The following CSMD1 variants were observed in gnomAD, a reference collection of about 807,000 sequenced individuals.
CSMD1 encodes the protein CUB and Sushi multiple domains 1.
In CSMD1, 213 loss-of-function variants were observed where a neutral mutation model predicts 417.5. The ratio of observed to expected loss-of-function variants is 0.51; its 90% CI spans 0.46 to 0.57. The LOEUF is 0.57. Ranked by LOEUF, CSMD1 falls within the 20% of genes least tolerant of loss-of-function variation. The probability of loss-of-function intolerance (pLI) is 0.00; values close to 1 mark genes in which losing one functional copy is unlikely to be tolerated. For synonymous variants in CSMD1, 2,862 were observed against 1,736.8 expected, an observed-to-expected ratio of 1.65 and a Z score of -16.11; for missense variants, 6,923 against 4,529.7, an observed-to-expected ratio of 1.53 and a Z score of -15.17.
intron 7 of CSMD1, among the ~76,000 whole-genome samples, chr8:3,620,992 T>C (rs1796202031): frequency 6.6e-6 from 1 of 152,108 alleles, no homozygotes; most frequent in Non-Finnish European, 1.5e-5. Flanking sequence ...ATCCTTAAGG[T>C]GAGCCCTAAT....
intron 5 of CSMD1, among the ~76,000 whole-genome samples, chr8:3,766,984 C>T (rs1025119237): frequency 7.9e-5 from 12 of 152,146 alleles, no homozygotes; most frequent in African/African-American, 1.9e-4. Context: ...GGTCCCCAGG[C>T]GAAAAGACCA....
At chr8:4,400,049 T>C (rs931048736) in intron 3 of CSMD1, among the ~76,000 whole-genome samples, 1 of 152,128 alleles carries the variant, frequency 6.6e-6, no homozygotes, top group South Asian at 2.1e-4. Context: ...CATAATTAAC[T>C]TATGGACAGT....
At chr8:4,152,616 G>C (rs1796626809) in intron 3 of CSMD1, among the ~76,000 whole-genome samples, 1 of 151,936 alleles carries the variant, frequency 6.6e-6, no homozygotes, top group African/African-American at 2.4e-5. Context: ...TTTGAGCCTA[G>C]GAGGTCAAGG....
intron 4 of CSMD1, among the ~76,000 whole-genome samples, chr8:4,021,342 T>G (rs920602266): frequency 5.9e-5 from 9 of 152,252 alleles, no homozygotes; most frequent in Non-Finnish European, 1.5e-5. Flanking sequence ...TTCACTTGTT[T>G]CATGTCACAT....
intron 5 of CSMD1, among the ~76,000 whole-genome samples, chr8:3,860,462 T>G (rs2129105423): frequency 6.6e-6 from 1 of 152,128 alleles, no homozygotes; most frequent in Non-Finnish European, 1.5e-5. Context: ...AATGTAGGAG[T>G]TTGCTAATAT....
intron 36 of CSMD1, among the ~76,000 whole-genome samples, chr8:3,184,460 G>C (rs931547906): frequency 6.6e-6 from 1 of 152,140 alleles, no homozygotes; most frequent in African/African-American, 2.4e-5. Flanking sequence ...ATATGACTGT[G>C]ACAGCTTTAA....
At chr8:4,931,100 T>G (rs565970224) in intron 1 of CSMD1, among the ~76,000 whole-genome samples, 24 of 152,356 alleles carry the variant, frequency 1.6e-4, no homozygotes, top group Non-Finnish European at 2.6e-4. Flanking sequence ...TATATAGATA[T>G]CTTCATTTTC....
chr8:3,933,433 A>G (rs575576723), intron 5 of CSMD1, among the ~76,000 whole-genome samples: 20 of 152,322 alleles, frequency 1.3e-4, no homozygotes, highest in African/African-American at 4.8e-4. Context: ...GATAAAACAT[A>G]GACTAAGCAT....
intron 3 of CSMD1, among the ~76,000 whole-genome samples, chr8:4,254,853 T>C (rs932729065): frequency 6.6e-6 from 1 of 152,130 alleles, no homozygotes; most frequent in African/African-American, 2.4e-5. Context: ...TAGGTGGTCA[T>C]ATGCACATTC....
In CSMD1 at chr8:4,477,106, A is replaced by T. The variant is rs917473632; in HGVS notation, c.303-57041T>A. 1.2e-4 allele frequency among the ~76,000 whole-genome samples: 19 copies of T among 152,238 alleles called. No individual in the cohort carries two copies. The East Asian group carries it at 3.5e-3, about 28-fold the overall frequency. On this transcript the variant is annotated intron_variant, in intron 2 of 69. Coordinates refer to ENST00000635120, the MANE Select transcript of CSMD1 (RefSeq NM_033225.6). Reference sequence around the variant, plus strand: ...AGAGCAGGTGTGAGCACTCCTTCCCACCACCTGTCTCTTAAGAGTCACAGT... The same window carrying T: ...AGAGCAGGTGTGAGCACTCCTTCCCTCCACCTGTCTCTTAAGAGTCACAGT...
chr8:4,122,894 T>C (rs1242781191), intron 3 of CSMD1, among the ~76,000 whole-genome samples: 2 of 152,150 alleles, frequency 1.3e-5, no homozygotes, highest in African/African-American at 4.8e-5. Context: ...AAGAAACTAA[T>C]AGCTACGAGA....
At chr8:4,208,056 C>G (rs970211908) in intron 3 of CSMD1, among the ~76,000 whole-genome samples, 5 of 152,106 alleles carry the variant, frequency 3.3e-5, no homozygotes, top group Admixed American at 2.6e-4. Context: ...GGGTAATTCA[C>G]TTTTGTTCAG....
chr8:3,986,767 T>C (rs1814352898), intron 5 of CSMD1, among the ~76,000 whole-genome samples: 3 of 83,876 alleles, frequency 3.6e-5, no homozygotes, highest in Admixed American at 3.0e-4. Context: ...TGATTTTTCT[T>C]TTTTTTTAGA....
chr8:4,146,017 A>T (rs551181920), intron 3 of CSMD1, among the ~76,000 whole-genome samples: 1 of 150,926 alleles, frequency 6.6e-6, no homozygotes, highest in East Asian at 1.9e-4. Flanking sequence ...TAGGTATTCA[A>T]AAAAAATCTG....
At chr8:4,216,661 G>C (rs1386395210) in intron 3 of CSMD1, among the ~76,000 whole-genome samples, 1 of 152,166 alleles carries the variant, frequency 6.6e-6, no homozygotes, top group Non-Finnish European at 1.5e-5. Flanking sequence ...GTAAATGACT[G>C]AGTGAAGGGA....
chr8:3,423,106 CTTA>C lies in CSMD1; in HGVS notation c.1562-13504_1562-13502del, dbSNP rs559810992. ...AACAGATTAAATTATTTTGGGGTCACTTATTATTACTCATCATAGTTCAATGAT... is the reference window on the plus strand; with the variant it reads ...AACAGATTAAATTATTTTGGGGTCACTTATTACTCATCATAGTTCAATGAT... On this transcript the variant is annotated intron_variant, in intron 12 of 69. Coordinates refer to ENST00000635120, the MANE Select transcript of CSMD1 (RefSeq NM_033225.6). 9.3e-4 allele frequency among the ~76,000 whole-genome samples: 142 copies of C among 152,246 alleles called. 3 individuals carry two copies. The South Asian group carries it at 0.011, about 12-fold the overall frequency.
intron 3 of CSMD1, among the ~76,000 whole-genome samples, chr8:4,157,397 T>G (rs1408223476): frequency 1.3e-5 from 2 of 152,212 alleles, no homozygotes; most frequent in African/African-American, 4.8e-5. Flanking sequence ...AAAGGTTGAA[T>G]TGAAAATTTT....
chr8:3,344,337 A>C (rs1340679299), intron 22 of CSMD1, among the ~76,000 whole-genome samples: 8 of 152,198 alleles, frequency 5.3e-5, no homozygotes, highest in Non-Finnish European at 1.5e-5. Context: ...ACAAATACCT[A>C]ATGCATGCGG....
intron 2 of CSMD1, among the ~76,000 whole-genome samples, chr8:4,590,574 A>G (rs1799937127): frequency 6.6e-6 from 1 of 152,118 alleles, no homozygotes; most frequent in Admixed American, 6.5e-5. Context: ...AAATAAAAAT[A>G]TAAATTAGAA....
Sources: gnomAD v4.1 joint callset for allele counts (sites outside exome capture counted in the v4.1 genomes callset) on GRCh38, gnomAD v4.1.1 for gene constraint, MANE v1.5 for transcripts, NCBI Gene and HGNC (gene_info 2026-07-23, HGNC 2026-07-21) for gene names.